The following NALCN variants were observed in gnomAD, a reference collection of about 807,000 sequenced individuals.
NALCN encodes sodium leak channel, non-selective.
A neutral mutation model predicts 225.3 loss-of-function variants in NALCN; 111 were observed. The ratio of observed to expected loss-of-function variants is 0.49; its 90% CI spans 0.42 to 0.58. The LOEUF is 0.58. NALCN is among the 20% of genes least tolerant of loss of function. NALCN has a pLI of 0.00. For synonymous variants in NALCN, 764 were observed against 769.0 expected (o/e 0.99, Z 0.11); for missense variants, 1,378 against 2,202.4 (o/e 0.63, Z 7.49).
At chr13:101,147,039 A>G (rs556323213) in intron 15 of NALCN, among the ~76,000 whole-genome samples, 9 of 152,260 alleles carry the variant, frequency 5.9e-5, no homozygotes, top group Admixed American at 1.3e-4. Context: ...ATGTATCAGG[A>G]CTGGTATGCA....
chr13:101,263,599 A>G (rs1339705786), intron 10 of NALCN, among the ~76,000 whole-genome samples: 1 of 152,170 alleles, frequency 6.6e-6, no homozygotes, highest in Non-Finnish European at 1.5e-5. Flanking sequence ...AAACTTTTAA[A>G]TTGGTTTTGT....
intron 6 of NALCN, chr13:101,373,086 A>G (rs1353162807): frequency 2.5e-6 from 1 of 392,586 alleles, no homozygotes; most frequent in Non-Finnish European, 5.1e-6. Flanking sequence ...AATTATAAAA[A>G]TAGGTAAGCT....
chr13:101,276,244 A>AAATT (rs1179618278), intron 10 of NALCN, among the ~76,000 whole-genome samples: 2 of 152,052 alleles, frequency 1.3e-5, no homozygotes, highest in African/African-American at 4.8e-5. Flanking sequence ...ACGTGAGGAT[A>AAATT]AATTTATTAG....
In NALCN at chr13:101,229,557, T is replaced by A; in HGVS notation, c.1462A>T (p.Ile488Phe). 6.2e-7 allele frequency: 1 copy of A among 1,601,978 alleles called. No homozygotes were observed. The highest frequency in any genetic ancestry group is 2.3e-5 in the East Asian group (1 of 44,034). The change falls in exon 13 of 44, where the codon ATT becomes TTT. Residue 488 changes from isoleucine (I) to phenylalanine (F), a missense_variant. By Grantham distance (21) the Ile-to-Phe change is conservative (BLOSUM62 0). Transcript: ENST00000251127. The stretch of plus-strand genomic sequence containing the variant: ...ACAAAGTCTTCTAATGCAGGTGAAA[T>A]CTTAATCAGCCGAACTACTCGGAGA... ...QVLRVVRLIK[I>F]SPALEDFVYK...
At chr13:101,106,883 C>CA (rs2035144109) in intron 22 of NALCN, among the ~76,000 whole-genome samples, 1 of 152,138 alleles carries the variant, frequency 6.6e-6, no homozygotes, top group African/African-American at 2.4e-5. Context: ...GTATGCTTGA[C>CA]AAAAATCCAT....
intron 13 of NALCN, among the ~76,000 whole-genome samples, chr13:101,210,718 G>T (rs558616785): frequency 4.7e-4 from 72 of 152,178 alleles, no homozygotes; most frequent in Non-Finnish European, 9.3e-4. Context: ...TAGGAATTCA[G>T]CATGCCATGC....
intron 10 of NALCN, among the ~76,000 whole-genome samples, chr13:101,283,341 T>C (rs889449456): frequency 1.3e-5 from 2 of 152,128 alleles, no homozygotes; most frequent in Admixed American, 1.3e-4. Flanking sequence ...TTGTTATCCA[T>C]ATTGTTGTCA....
chr13:101,107,248 A>G lies in NALCN; in HGVS notation c.2579+239T>C, dbSNP rs529388760. ...GTGTATCAGGAAACTGTTAAAATGC[A>G]CAAACGAAAATGGCTGTTTTGTGTT... On this transcript the variant is annotated intron_variant, in intron 22 of 43. Transcript: ENST00000251127. 2.7e-4 allele frequency among the ~76,000 whole-genome samples: 41 copies of G among 152,356 alleles called. 1 individual carries two copies. The highest frequency in any genetic ancestry group is 2.7e-3 in the Admixed American group (41 of 15,304).
upstream of NALCN, among the ~76,000 whole-genome samples, chr13:101,416,854 C>T (rs1159699867): frequency 1.3e-5 from 2 of 152,064 alleles, no homozygotes; most frequent in Admixed American, 1.3e-4. Flanking sequence ...AGTGCACTGC[C>T]AGGAGGCCGG....
intron 15 of NALCN, 107 bp from the exon 16 acceptor site, chr13:101,145,003 G>T (rs2037278316): frequency 5.6e-6 from 7 of 1,259,852 alleles, no homozygotes; most frequent in Non-Finnish European, 7.4e-6. Context: ...TACATGAAAT[G>T]CCAGTAGATG....
chr13:101,182,989 G>A (rs1211587707), intron 14 of NALCN, among the ~76,000 whole-genome samples: 1 of 152,166 alleles, frequency 6.6e-6, no homozygotes, highest in Admixed American at 6.5e-5. Context: ...ATGTGGATTT[G>A]GACTGAAAGA....
chr13:101,360,216 C>CTG (rs2046209707), intron 6 of NALCN, among the ~76,000 whole-genome samples: 1 of 146,790 alleles, frequency 6.8e-6, no homozygotes, highest in South Asian at 2.3e-4. Flanking sequence ...CTCTCTCTCT[C>CTG]TCTCTCTCTC....
chr13:101,363,131 A>G (rs1330715320), intron 6 of NALCN, among the ~76,000 whole-genome samples: 1 of 152,172 alleles, frequency 6.6e-6, no homozygotes, highest in East Asian at 1.9e-4. Flanking sequence ...CATGAATTGG[A>G]AGAATCAATA....
chr13:101,085,587 G>C (rs2033889428), intron 30 of NALCN, among the ~76,000 whole-genome samples: 1 of 152,054 alleles, frequency 6.6e-6, no homozygotes, highest in African/African-American at 2.4e-5. Flanking sequence ...AAATGTTTGA[G>C]GTGATAGATA....
chr13:101,085,381 T>C (rs1214006147), intron 30 of NALCN, among the ~76,000 whole-genome samples: 3 of 152,126 alleles, frequency 2.0e-5, no homozygotes, highest in African/African-American at 4.8e-5. Flanking sequence ...AACAAATGCT[T>C]ACTAGGGGTG....
chr13:101,190,789 T>C (rs1377087511), intron 14 of NALCN, among the ~76,000 whole-genome samples: 2 of 152,242 alleles, frequency 1.3e-5, no homozygotes, highest in African/African-American at 4.8e-5. Flanking sequence ...AGAGATTATA[T>C]GTAATTTGTT....
At chr13:101,367,986 A>ATTTAT (rs60539617) in intron 6 of NALCN, among the ~76,000 whole-genome samples, 54,643 of 148,148 alleles carry the variant, frequency 0.37, 11,107 homozygotes, top group East Asian at 0.69. Flanking sequence ...CTTTTTTGAA[A>ATTTAT]TTTATTTTAT....
At chr13:101,294,634 C>T (rs530307770) in intron 7 of NALCN, among the ~76,000 whole-genome samples, 155 of 147,514 alleles carry the variant, frequency 1.1e-3, no homozygotes, top group African/African-American at 3.0e-3. Flanking sequence ...TGTGATGCCG[C>T]CAACGTACTG....
intron 7 of NALCN, among the ~76,000 whole-genome samples, chr13:101,307,933 A>G (rs186676387): frequency 1.1e-3 from 173 of 152,380 alleles, no homozygotes; most frequent in Middle Eastern, 0.01. Context: ...TCAGAACAAT[A>G]TAAAATTTAG....
Sources: allele counts gnomAD v4.1 joint callset (sites outside exome capture counted in the v4.1 genomes callset), GRCh38; gene constraint gnomAD v4.1.1; transcripts MANE v1.5; gene names NCBI Gene and HGNC (gene_info 2026-07-23, HGNC 2026-07-21).